The following SGK2 variants were observed in gnomAD, a reference collection of about 807,000 sequenced individuals.
SGK2 encodes serine/threonine-protein kinase Sgk2.
In SGK2, 36 loss-of-function variants were observed where a neutral mutation model predicts 47.5. The ratio of observed to expected loss-of-function variants is 0.76; its 90% CI spans 0.58 to 1.00. The LOEUF is 1.00. Ranked by LOEUF, SGK2 falls within the 50% of genes least tolerant of loss-of-function variation. The pLI, the probability that SGK2 is intolerant of heterozygous loss-of-function variation, is 0.00. For synonymous variants in SGK2, 157 were observed against 181.9 expected (o/e 0.86, Z 1.10); for missense variants, 404 against 467.4 (o/e 0.86, Z 1.25).
At chr20:43,583,572 C>T in intron 12 of SGK2, 1 of 985,444 alleles carries the variant, frequency 1.0e-6, no homozygotes, top group African/African-American at 1.7e-5. Context: ...CCTTCCCCTT[C>T]CTCACCTGCT....
chr20:43,583,303 G>T (rs887658383), intron 12 of SGK2: 4 of 1,289,312 alleles, frequency 3.1e-6, no homozygotes, highest in Non-Finnish European at 3.0e-6. Flanking sequence ...AGGCAGAGAT[G>T]AATGGACTTT....
chr20:43,569,656 G>C, intron 6 of SGK2, 140 bp downstream of exon 6: 1 of 957,674 alleles, frequency 1.0e-6, no homozygotes, highest in South Asian at 1.6e-5. Flanking sequence ...AAGAAACTGA[G>C]GTTCAGGGAG....
Position 43,566,444 on chromosome 20 carries a change from C to T in SGK2, c.-23-29C>T, listed in dbSNP as rs139405542. ...GAGCTGACCCCCCAACACCAACTCT[C>T]TCATGCCTGCTCCTCCCTGTCCCCC... On this transcript the variant is annotated intron_variant, in intron 1 of 12. Coordinates refer to ENST00000373100, the MANE Select transcript of SGK2 (RefSeq NM_170693.3). 1.9e-4 allele frequency: 310 copies of T among 1,614,148 alleles called. No individual in the cohort carries two copies. The African/African-American group carries it at 3.7e-3, about 19-fold the overall frequency.
chr20:43,571,953 C>G, intron 8 of SGK2, 98 bp from the exon 9 acceptor site: 1 of 789,188 alleles, frequency 1.3e-6, no homozygotes, highest in Non-Finnish European at 2.1e-6. Context: ...GATCCCACAG[C>G]TGCTGCCCTG....
Position 43,572,076 on chromosome 20 carries a change from G to T in SGK2, c.536G>T (p.Gly179Val). 1 of 1,549,750 alleles carries T rather than the reference G, an allele frequency of 6.5e-7. No individual in the cohort carries two copies. Among genetic ancestry groups the T allele is most frequent in the Non-Finnish European group, 8.7e-7 (1 of 1,146,440 alleles). The stretch of plus-strand genomic sequence containing the variant: ...GGACACGTGGTGCTGACGGATTTTG[G>T]CCTCTGCAAGGAAGGTGTAGAGCCT... ...CQGHVVLTDF[G>V]LCKEGVEPED... The change falls in exon 9 of 13, where the codon GGC (glycine) becomes GTC (valine). Residue 179 changes from glycine (G) to valine (V), a missense_variant. Physicochemically the swap from Gly to Val is moderately radical, Grantham distance 109. Transcript: ENST00000373100. The surrounding 1 kb of genome is among the most constrained non-coding windows in gnomAD (Gnocchi z 4.2).
intron 11 of SGK2, among the ~76,000 whole-genome samples, chr20:43,577,280 T>C (rs917527821): frequency 9.2e-5 from 14 of 151,680 alleles, no homozygotes; most frequent in African/African-American, 3.4e-4. Flanking sequence ...AGGTCTGGCA[T>C]GACCTGATTT....
chr20:43,585,244 A>G lies in SGK2; in HGVS notation c.*228A>G, dbSNP rs1981025220. ...TGCCAACCTTGACAAATGGCTTCCA[A>G]TGTTAGGTTTGCTACAAGATGGTTA... is the stretch of plus-strand genomic sequence containing the variant. On this transcript the variant is annotated 3_prime_UTR_variant, in exon 13 of 13. Coordinates refer to ENST00000373100, the MANE Select transcript of SGK2 (RefSeq NM_170693.3). The G allele has an allele frequency of 1.2e-5, 4 of 346,654 alleles. No individual in the cohort carries two copies. The South Asian group carries it at 1.6e-4, about 13-fold the overall frequency. 21.5% of individuals were successfully genotyped at this position (346,654 alleles called of 1,614,324 possible). A position where few individuals can be genotyped will look rare whatever the true frequency, so the allele number is the denominator to read the frequency against.
intron 7 of SGK2, 41 bp downstream of exon 7, chr20:43,570,770 C>T (rs967873230): frequency 1.2e-5 from 18 of 1,467,428 alleles, no homozygotes; most frequent in Non-Finnish European, 1.6e-5. Context: ...CCAAGCCCTT[C>T]TTGCTCCAAC....
chr20:43,579,857 A>G, intron 11 of SGK2, 115 bp from the exon 12 acceptor site: 4 of 752,710 alleles, frequency 5.3e-6, no homozygotes, highest in Non-Finnish European at 9.7e-6. Context: ...ACTGCAAGTT[A>G]ATTTCCAGTT....
chr20:43,576,119 G>C (rs747136048), intron 10 of SGK2, 105 bp from the exon 11 acceptor site: 1 of 1,329,566 alleles, frequency 7.5e-7, no homozygotes, highest in South Asian at 1.3e-5. Context: ...GCACAAGACA[G>C]GGGTCATACT....
chr20:43,567,052 T>C lies in SGK2; in HGVS notation c.37-16T>C. On this transcript the variant is annotated splice_polypyrimidine_tract_variant and intron_variant, in intron 2 of 12. Transcript: ENST00000373100. Reference sequence around the variant, plus strand: ...AGGAGTAGGGATCTGCTGATCATAATCACTTCTTTCTTTAGCCCTCCAGGG... The same window carrying C: ...AGGAGTAGGGATCTGCTGATCATAACCACTTCTTTCTTTAGCCCTCCAGGG... 1.9e-6 allele frequency: 3 copies of C among 1,612,252 alleles called. No individual in the cohort carries two copies. Among genetic ancestry groups the C allele is most frequent in the Non-Finnish European group, 2.5e-6 (3 of 1,178,356 alleles).
intron 6 of SGK2, among the ~76,000 whole-genome samples, chr20:43,569,900 C>T (rs977493676): frequency 1.3e-5 from 2 of 152,182 alleles, no homozygotes; most frequent in South Asian, 4.1e-4. Context: ...AAACAGAGAC[C>T]TCAAGGCCAC....
At chr20:43,560,832 T>A (rs1260153422) in intron 1 of SGK2, among the ~76,000 whole-genome samples, 2 of 152,236 alleles carry the variant, frequency 1.3e-5, no homozygotes, top group African/African-American at 4.8e-5. Flanking sequence ...ATCTACTATA[T>A]TCCAGGCCCT....
chr20:43,562,655 C>T (rs139652631), intron 1 of SGK2, among the ~76,000 whole-genome samples: 3 of 152,082 alleles, frequency 2.0e-5, no homozygotes, highest in South Asian at 2.1e-4. Flanking sequence ...GCAGGAGAAT[C>T]GCTTGAACCA....
intron 3 of SGK2, among the ~76,000 whole-genome samples, chr20:43,567,459 T>G (rs919415322): frequency 6.6e-6 from 1 of 152,192 alleles, no homozygotes; most frequent in Non-Finnish European, 1.5e-5. Context: ...TAACTTGAAT[T>G]TGAGTTCCCC....
chr20:43,566,662 A>T (rs1600987382), intron 2 of SGK2, 131 bp downstream of exon 2: 3 of 635,592 alleles, frequency 4.7e-6, no homozygotes, highest in East Asian at 5.4e-5. Context: ...AGCCACTTGC[A>T]GGGTGAATAG....
At chr20:43,571,494 C>T (rs1013403459) in intron 8 of SGK2, among the ~76,000 whole-genome samples, 9 of 152,124 alleles carry the variant, frequency 5.9e-5, no homozygotes, top group Non-Finnish European at 7.4e-5. Flanking sequence ...CTGATCTTGC[C>T]GGCAGGGGGA....
intron 5 of SGK2, among the ~76,000 whole-genome samples, chr20:43,568,315 T>A (rs958638254): frequency 6.6e-6 from 1 of 152,192 alleles, no homozygotes; most frequent in East Asian, 1.9e-4. Context: ...GGAGCCCCAC[T>A]TTATTCTCTC....
intron 1 of SGK2, among the ~76,000 whole-genome samples, chr20:43,561,283 A>G (rs1427668435): frequency 6.6e-6 from 1 of 151,948 alleles, no homozygotes; most frequent in Non-Finnish European, 1.5e-5. Context: ...GAGAAAGGAG[A>G]GAGGCTGAGG....
Sources: allele counts gnomAD v4.1 joint callset (sites outside exome capture counted in the v4.1 genomes callset), GRCh38; gene constraint gnomAD v4.1.1; non-coding constraint Gnocchi (gnomAD v3.1); transcripts MANE v1.5; gene names NCBI Gene and HGNC (gene_info 2026-07-23, HGNC 2026-07-21).